The following MAOB variants were observed in gnomAD, a reference collection of about 807,000 sequenced individuals.
MAOB encodes the protein amine oxidase [flavin-containing] B.
Under a neutral mutation model 41.9 loss-of-function variants are expected in MAOB, and 15 were observed. The ratio of observed to expected loss-of-function variants is 0.36; its 90% CI spans 0.24 to 0.55. The LOEUF (loss-of-function observed/expected upper bound fraction) is 0.55, where lower values mean the gene tolerates loss of function less well. Among genes scored for constraint, MAOB ranks in the 20% least tolerant of loss-of-function variants. MAOB has a pLI of 0.86. For missense variants in MAOB, 345 were observed against 398.7 expected, an observed-to-expected ratio of 0.87 and a Z score of 1.15; for synonymous variants, 167 against 144.2, an observed-to-expected ratio of 1.16 and a Z score of -1.13.
chrX:43,860,081 C>T (rs748839577), intron 1 of MAOB, among the ~76,000 whole-genome samples: 1 of 112,065 alleles, frequency 8.9e-6, no homozygotes, highest in Non-Finnish European at 1.9e-5. Flanking sequence ...TCACTTGTTT[C>T]TGAACCACAG....
At chrX:43,880,451 T>C (rs1173118998) in intron 1 of MAOB, among the ~76,000 whole-genome samples, 2 of 112,752 alleles carry the variant, frequency 1.8e-5, no homozygotes, top group Non-Finnish European at 3.7e-5. Context: ...GCTATTTTAC[T>C]CACATTGTTT....
At chrX:43,831,228 G>T (rs2035016677) in intron 3 of MAOB, among the ~76,000 whole-genome samples, 1 of 111,517 alleles carries the variant, frequency 9.0e-6, no homozygotes, top group Non-Finnish European at 1.9e-5. Flanking sequence ...GCCTAGGCAG[G>T]TGAGAGGCAC....
intron 8 of MAOB, 99 bp downstream of exon 8, chrX:43,793,320 G>A (rs1012796119): frequency 3.2e-6 from 2 of 629,194 alleles, no homozygotes; most frequent in Admixed American, 3.8e-5. Flanking sequence ...ATGTACCCCT[G>A]AATCTAAAAT....
chrX:43,850,322 T>TA, intron 1 of MAOB: 1 of 736,355 alleles, frequency 1.4e-6, no homozygotes, highest in Non-Finnish European at 1.6e-6. Flanking sequence ...AATATGTTGA[T>TA]AAAAATCACC....
intron 1 of MAOB, among the ~76,000 whole-genome samples, chrX:43,847,036 A>G (rs1346357130): frequency 8.9e-6 from 1 of 112,412 alleles, no homozygotes; most frequent in Non-Finnish European, 1.9e-5. Flanking sequence ...GCAATTAACA[A>G]TTTGTTTGTT....
At chrX:43,832,573 C>T (rs1183402037) in intron 3 of MAOB, among the ~76,000 whole-genome samples, 7 of 111,966 alleles carry the variant, frequency 6.3e-5, no homozygotes, top group Non-Finnish European at 1.3e-4. Flanking sequence ...ATAGTAAAAA[C>T]ATTGTCTCTT....
rs1452163294 is a variant in MAOB, at chrX:43,786,765, C to T, written c.929-5221G>A. Among the ~76,000 whole-genome samples, 6 of 111,332 alleles carry T rather than the reference C, an allele frequency of 5.4e-5. No homozygotes were observed. In the East Asian group the frequency reaches 8.5e-4, roughly 16 times the overall value. ...GGCCAAGGTGGAAGTACTGCTTTCT[C>T]GATGTAGGGGCTCCTTGGACACTTC... On this transcript the variant is annotated intron_variant, in intron 8 of 14. Coordinates refer to ENST00000378069, the MANE Select transcript of MAOB (RefSeq NM_000898.5).
At chrX:43,797,573 TCATTTACTCAGTGGTAAAAACCAA>T (rs1356123936) in intron 5 of MAOB, among the ~76,000 whole-genome samples, 8 of 111,848 alleles carry the variant, frequency 7.2e-5, no homozygotes, top group Admixed American at 5.7e-4. Flanking sequence ...AAAAGCACCA[TCATTTACTCAGTGGTAAAAACCAA>T]CACTCTAGAA....
At chrX:43,834,585 C>T (rs1312239960) in intron 3 of MAOB, among the ~76,000 whole-genome samples, 2 of 111,820 alleles carry the variant, frequency 1.8e-5, no homozygotes, top group Non-Finnish European at 3.8e-5. Context: ...CCCTCTCTGC[C>T]TTTGTGTGCA....
chrX:43,857,290 C>T (rs2035305308), intron 1 of MAOB, among the ~76,000 whole-genome samples: 1 of 105,306 alleles, frequency 9.5e-6, no homozygotes, highest in Non-Finnish European at 1.9e-5. Flanking sequence ...AAGCCATTCT[C>T]CTGTCTCAGC....
chrX:43,793,609 T>A, intron 7 of MAOB, 31 bp from the exon 8 acceptor site: 3 of 1,122,631 alleles, frequency 2.7e-6, no homozygotes, highest in Non-Finnish European at 3.6e-6. Flanking sequence ...TTAAACATTG[T>A]TGCCGTGTTG....
chrX:43,834,180 G>GT (rs1486876599), intron 3 of MAOB, among the ~76,000 whole-genome samples: 2 of 112,146 alleles, frequency 1.8e-5, no homozygotes, highest in Non-Finnish European at 3.8e-5. Context: ...ACTCAACATG[G>GT]TAAGTGTGAA....
chrX:43,845,572 T>A (rs1157260906), intron 1 of MAOB, among the ~76,000 whole-genome samples: 1 of 111,983 alleles, frequency 8.9e-6, no homozygotes, highest in African/African-American at 3.2e-5. Context: ...AAAGCCAGTT[T>A]AACTGCAGCA....
intron 8 of MAOB, among the ~76,000 whole-genome samples, chrX:43,790,385 C>G (rs780542952): frequency 1.6e-4 from 18 of 111,825 alleles, no homozygotes; most frequent in Non-Finnish European, 3.0e-4. Context: ...GCCTAGAACT[C>G]AATACATTGT....
rs2035478050 is a variant in MAOB at position 43,882,236 on chromosome X, C to A, written c.46+18G>T. ...CCGAGCGCGTGAAGAGGAAGGAGGG[C>A]GCACAGCCGCGACTAACCTGAGATG... On this transcript the variant is annotated intron_variant, in intron 1 of 14. Transcript: ENST00000378069. 8.3e-7 allele frequency: 1 copy of A among 1,208,468 alleles called. No individual in the cohort carries two copies. The highest frequency in any genetic ancestry group is 1.7e-5 in the African/African-American group (1 of 57,764).
chrX:43,877,851 C>T (rs2035449876), intron 1 of MAOB, among the ~76,000 whole-genome samples: 1 of 112,566 alleles, frequency 8.9e-6, no homozygotes, highest in Non-Finnish European at 1.9e-5. Flanking sequence ...CGAGTCTCTC[C>T]TGATGCCCAC....
intron 3 of MAOB, among the ~76,000 whole-genome samples, chrX:43,824,788 A>G (rs183674334): frequency 6.3e-4 from 71 of 113,535 alleles, no homozygotes; most frequent in African/African-American, 2.2e-3. Context: ...ATAGACACAG[A>G]CATATGTGTG....
At chrX:43,797,713 C>G (rs746677095) in intron 5 of MAOB, among the ~76,000 whole-genome samples, 2 of 112,087 alleles carry the variant, frequency 1.8e-5, no homozygotes, top group Admixed American at 1.9e-4. Context: ...AATTTAGAAT[C>G]CATCTCTTTC....
intron 3 of MAOB, among the ~76,000 whole-genome samples, chrX:43,827,402 A>G (rs1369811081): frequency 9.0e-6 from 1 of 111,316 alleles, no homozygotes. Flanking sequence ...CTTTGTAAGG[A>G]GGGTTGGAAG....
Sources: allele counts gnomAD v4.1 joint callset (sites outside exome capture counted in the v4.1 genomes callset), GRCh38; gene constraint gnomAD v4.1.1; transcripts MANE v1.5; gene names NCBI Gene and HGNC (gene_info 2026-07-23, HGNC 2026-07-21).